Variants in DLG2 observed in about 807,000 individuals in gnomAD.
DLG2 encodes the protein discs large MAGUK scaffold protein 2.
Under a neutral mutation model 132.5 loss-of-function variants are expected in DLG2, and 45 were observed. That is an observed-to-expected ratio of 0.34 (90% CI 0.27 to 0.44). The LOEUF (loss-of-function observed/expected upper bound fraction) is 0.44. Among genes scored for constraint, DLG2 ranks in the 20% least tolerant of loss-of-function variants. The pLI, the probability that DLG2 is intolerant of heterozygous loss-of-function variation, is 1.00. For missense variants in DLG2, 1,045 were observed against 1,196.9 expected, an observed-to-expected ratio of 0.87 and a Z score of 1.87; for synonymous variants, 424 against 419.6, an observed-to-expected ratio of 1.01 and a Z score of -0.13.
At chr11:84,040,063 G>C (rs980848875) in intron 11 of DLG2, among the ~76,000 whole-genome samples, 9 of 151,676 alleles carry the variant, frequency 5.9e-5, no homozygotes, top group African/African-American at 2.2e-4. Context: ...TTTTTGATAG[G>C]GTTGTTTGTT....
intron 10 of DLG2, among the ~76,000 whole-genome samples, chr11:84,064,277 AAGAT>A (rs1370035284): frequency 6.6e-6 from 1 of 152,204 alleles, no homozygotes; most frequent in Non-Finnish European, 1.5e-5. Context: ...ACTGAAGAGA[AAGAT>A]AGCGAAGTTT....
At chr11:84,042,136 C>A (rs2154107704) in intron 11 of DLG2, among the ~76,000 whole-genome samples, 1 of 152,058 alleles carries the variant, frequency 6.6e-6, no homozygotes, top group African/African-American at 2.4e-5. Flanking sequence ...GAAAAAGGGA[C>A]ACAACTGTTT....
In DLG2 at chr11:85,243,295, C is replaced by T. The variant is rs1357110930; in HGVS notation, c.186+41925G>A. Among the ~76,000 whole-genome samples, 7 of 151,972 alleles carry T rather than the reference C, an allele frequency of 4.6e-5. No homozygotes were observed. In the East Asian group the frequency reaches 1.4e-3, roughly 29 times the overall value. Reference sequence around the variant, plus strand: ...ATTCAAAAATGCAATTGCTTATTTACTTGTCTTATGTTTTCCACTGTGACT... The same window carrying T: ...ATTCAAAAATGCAATTGCTTATTTATTTGTCTTATGTTTTCCACTGTGACT... On this transcript the variant is annotated intron_variant, in intron 4 of 27. Coordinates refer to ENST00000376104, the MANE Select transcript of DLG2 (RefSeq NM_001142699.3).
At chr11:83,948,394 G>A (rs2084603702) in intron 14 of DLG2, among the ~76,000 whole-genome samples, 1 of 152,076 alleles carries the variant, frequency 6.6e-6, no homozygotes, top group Non-Finnish European at 1.5e-5. Context: ...GCCACATGGG[G>A]TCTATGTAAT....
intron 3 of DLG2, among the ~76,000 whole-genome samples, chr11:85,586,885 A>C (rs528110463): frequency 1.3e-5 from 2 of 152,216 alleles, no homozygotes; most frequent in Admixed American, 6.5e-5. Flanking sequence ...AGAGGTTTTG[A>C]CAAGCTGTGT....
chr11:85,159,630 T>C (rs558776981), intron 4 of DLG2, among the ~76,000 whole-genome samples: 153 of 152,298 alleles, frequency 1.0e-3, no homozygotes, highest in African/African-American at 3.5e-3. Context: ...GTGACTCCAA[T>C]TGCAGCTGCT....
intron 11 of DLG2, among the ~76,000 whole-genome samples, chr11:84,031,162 A>G (rs1193813867): frequency 1.3e-5 from 2 of 151,906 alleles, no homozygotes; most frequent in Non-Finnish European, 2.9e-5. Context: ...CTAAATTACA[A>G]TTATACCACC....
intron 8 of DLG2, among the ~76,000 whole-genome samples, chr11:84,210,284 A>C (rs1204040943): frequency 6.6e-6 from 1 of 150,822 alleles, no homozygotes; most frequent in Non-Finnish European, 1.5e-5. Context: ...CTCTGTCTCC[A>C]AAAAATTAAA....
At chr11:84,005,293 C>A (rs759117822) in intron 11 of DLG2, among the ~76,000 whole-genome samples, 1 of 151,822 alleles carries the variant, frequency 6.6e-6, no homozygotes, top group Non-Finnish European at 1.5e-5. Context: ...TATTGGATAT[C>A]CACATGCAAA....
At chr11:84,179,631 C>T (rs540495481) in intron 8 of DLG2, among the ~76,000 whole-genome samples, 3 of 152,238 alleles carry the variant, frequency 2.0e-5, no homozygotes, top group Admixed American at 6.5e-5. Flanking sequence ...TCTACTAGTG[C>T]TCTGGCAGGG....
intron 8 of DLG2, among the ~76,000 whole-genome samples, chr11:84,241,183 C>T (rs1337890775): frequency 6.6e-6 from 1 of 152,188 alleles, no homozygotes; most frequent in Non-Finnish European, 1.5e-5. Context: ...ATTGTAGTTT[C>T]TTCCCTTCCT....
At chr11:84,510,508 C>G (rs1206935165) in intron 7 of DLG2, among the ~76,000 whole-genome samples, 1 of 151,948 alleles carries the variant, frequency 6.6e-6, no homozygotes, top group African/African-American at 2.4e-5. Flanking sequence ...GTACTACTAA[C>G]CTTGTATGAT....
At chr11:85,159,572 G>T (rs1392143787) in intron 4 of DLG2, among the ~76,000 whole-genome samples, 3 of 152,242 alleles carry the variant, frequency 2.0e-5, no homozygotes, top group Non-Finnish European at 2.9e-5. Context: ...GCAGAAGACA[G>T]TTGGATCTTG....
At chr11:85,498,662 T>C (rs1468590040) in intron 3 of DLG2, among the ~76,000 whole-genome samples, 2 of 152,070 alleles carry the variant, frequency 1.3e-5, no homozygotes, top group East Asian at 1.9e-4. Flanking sequence ...TATTCTAAAA[T>C]TGACCACATA....
At chr11:84,759,974 T>A (rs572654132) in intron 6 of DLG2, among the ~76,000 whole-genome samples, 29 of 152,292 alleles carry the variant, frequency 1.9e-4, no homozygotes, top group Admixed American at 1.8e-3. Flanking sequence ...TGCAGTACGT[T>A]TATGATGTAA....
chr11:84,194,189 C>T (rs1489884227), intron 8 of DLG2, among the ~76,000 whole-genome samples: 1 of 152,200 alleles, frequency 6.6e-6, no homozygotes, highest in East Asian at 1.9e-4. Flanking sequence ...CTTTTCCCTT[C>T]TCTCACTCTC....
chr11:85,177,406 A>T (rs2152504923), intron 4 of DLG2, among the ~76,000 whole-genome samples: 1 of 152,226 alleles, frequency 6.6e-6, no homozygotes, highest in East Asian at 1.9e-4. Flanking sequence ...TATCCTCAGC[A>T]AACTAACACA....
intron 6 of DLG2, among the ~76,000 whole-genome samples, chr11:84,990,626 G>A (rs1180804004): frequency 6.6e-6 from 1 of 150,406 alleles, no homozygotes; most frequent in South Asian, 2.1e-4. Flanking sequence ...TCAGCCCTTA[G>A]AGAAATGCAA....
At chr11:84,784,086 T>C (rs1040071661) in intron 6 of DLG2, among the ~76,000 whole-genome samples, 1 of 126,002 alleles carries the variant, frequency 7.9e-6, no homozygotes, top group Non-Finnish European at 1.6e-5. Context: ...TCGCCTGAGG[T>C]CAGGAGTTCA....
Sources: gnomAD v4.1 joint callset for allele counts (sites outside exome capture counted in the v4.1 genomes callset) on GRCh38, gnomAD v4.1.1 for gene constraint, MANE v1.5 for transcripts, NCBI Gene and HGNC (gene_info 2026-07-23, HGNC 2026-07-21) for gene names.